Variants in TLL1 observed in about 807,000 individuals in gnomAD.
The protein encoded by TLL1 is tolloid-like protein 1.
TLL1 carries 49 observed loss-of-function variants against 128.2 expected under a neutral mutation model. That is an observed-to-expected ratio of 0.38 (90% confidence interval 0.30 to 0.48). The LOEUF (loss-of-function observed/expected upper bound fraction) is 0.48. Among genes scored for constraint, TLL1 ranks in the 20% least tolerant of loss-of-function variants. The pLI, the probability that TLL1 is intolerant of heterozygous loss-of-function variation, is 0.96. For missense variants in TLL1, 1,123 were observed against 1,242.0 expected, an observed-to-expected ratio of 0.90 and a Z score of 1.44; for synonymous variants, 454 against 418.8, an observed-to-expected ratio of 1.08 and a Z score of -1.03.
chr4:166,050,876 C>T (rs966774650), intron 12 of TLL1, among the ~76,000 whole-genome samples: 23 of 152,330 alleles, frequency 1.5e-4, no homozygotes, highest in African/African-American at 5.3e-4. Context: ...TATGAACCCT[C>T]AGTAGTGAAA....
intron 6 of TLL1, among the ~76,000 whole-genome samples, chr4:166,007,571 A>C (rs567137613): frequency 1.3e-5 from 2 of 151,794 alleles, no homozygotes; most frequent in Admixed American, 1.3e-4. Flanking sequence ...AAACCTAGTC[A>C]TAAAAATGGG....
chr4:166,017,432 A>G (rs570248159), intron 8 of TLL1, among the ~76,000 whole-genome samples: 1 of 151,904 alleles, frequency 6.6e-6, no homozygotes, highest in East Asian at 1.9e-4. Flanking sequence ...GGTACGATTT[A>G]TTTTCCTTCG....
At chr4:165,983,785 C>A (rs1159282494) in intron 1 of TLL1, among the ~76,000 whole-genome samples, 1 of 151,642 alleles carries the variant, frequency 6.6e-6, no homozygotes, top group African/African-American at 2.4e-5. Context: ...GTCTAGCTTT[C>A]TTATATAGTA....
At chr4:165,922,204 T>G (rs1733068983) in intron 1 of TLL1, among the ~76,000 whole-genome samples, 1 of 152,176 alleles carries the variant, frequency 6.6e-6, no homozygotes, top group Admixed American at 6.5e-5. Flanking sequence ...AAGGACTCAT[T>G]TATTCTGGCC....
chr4:165,947,180 T>C (rs1734290457), intron 1 of TLL1, among the ~76,000 whole-genome samples: 1 of 152,098 alleles, frequency 6.6e-6, no homozygotes, highest in Admixed American at 6.6e-5. Flanking sequence ...TCTTACTGTG[T>C]ACACATATGA....
intron 8 of TLL1, among the ~76,000 whole-genome samples, chr4:166,025,016 T>G (rs1738428338): frequency 6.6e-6 from 1 of 152,158 alleles, no homozygotes; most frequent in Admixed American, 6.5e-5. Flanking sequence ...GGGTGTGCTT[T>G]AGAGGGGCTA....
intron 1 of TLL1, among the ~76,000 whole-genome samples, chr4:165,912,587 C>T (rs1312461488): frequency 4.6e-5 from 7 of 152,202 alleles, no homozygotes; most frequent in African/African-American, 7.2e-5. Context: ...TTGAAAAGAG[C>T]GCTTTCAGGC....
intron 1 of TLL1, 108 bp from the exon 2 acceptor site, chr4:165,989,273 C>T (rs13133446): frequency 0.091 from 73,890 of 809,996 alleles, 4,298 homozygotes; most frequent in Non-Finnish European, 0.12. Context: ...AGATCTGTCT[C>T]TATCCAGACC....
chr4:166,034,617 A>G (rs1304033651), intron 9 of TLL1, among the ~76,000 whole-genome samples: 17 of 152,172 alleles, frequency 1.1e-4, no homozygotes. Flanking sequence ...TATATTCAGA[A>G]AAGAAGTATA....
At position 166,100,729 on chromosome 4, in the gene TLL1, TG is replaced by T; in HGVS notation, c.2908-12del. The T allele has an allele frequency of 1.2e-6, 2 of 1,612,676 alleles. No homozygotes were observed. The highest frequency in any genetic ancestry group is 1.7e-6 in the Non-Finnish European group (2 of 1,179,068). On this transcript the variant is annotated splice_polypyrimidine_tract_variant and intron_variant, in intron 20 of 20. Transcript: ENST00000061240. ...TGCTTGTTTACTTGCTTGTTGTTTT[TG>T]TTTTCCTTCAGCCACCAGAAGAGAT...
chr4:166,053,060 T>A (rs936011664), intron 12 of TLL1: 12 of 149,368 alleles, frequency 8.0e-5, no homozygotes. Flanking sequence ...TAGATATTCT[T>A]TATATAAATA....
chr4:166,042,219 A>T, intron 11 of TLL1, 76 bp downstream of exon 11: 1 of 955,568 alleles, frequency 1.0e-6, no homozygotes, highest in East Asian at 2.6e-5. Context: ...TTTCATTACA[A>T]TGACATTGTG....
chr4:165,916,511 A>G (rs529693143), intron 1 of TLL1, among the ~76,000 whole-genome samples: 60 of 152,304 alleles, frequency 3.9e-4, no homozygotes, highest in Middle Eastern at 3.4e-3. Flanking sequence ...AGTAAGGTGC[A>G]TTGATGGGTG....
chr4:165,939,259 C>T (rs1733894617), intron 1 of TLL1, among the ~76,000 whole-genome samples: 1 of 152,016 alleles, frequency 6.6e-6, no homozygotes, highest in Admixed American at 6.6e-5. Flanking sequence ...CAATGTCCTT[C>T]TTGATTATAT....
intron 9 of TLL1, among the ~76,000 whole-genome samples, chr4:166,032,021 A>G (rs1738790950): frequency 6.6e-6 from 1 of 152,156 alleles, no homozygotes; most frequent in African/African-American, 2.4e-5. Flanking sequence ...ATCTAACGTC[A>G]CACATGTGGC....
intron 13 of TLL1, among the ~76,000 whole-genome samples, chr4:166,055,573 C>A (rs942872319): frequency 1.3e-5 from 2 of 151,982 alleles, no homozygotes; most frequent in Non-Finnish European, 2.9e-5. Context: ...AATAACCAAC[C>A]AAGAATTCAT....
At chr4:165,991,328 T>C (rs1181223024) in intron 2 of TLL1, among the ~76,000 whole-genome samples, 1 of 151,996 alleles carries the variant, frequency 6.6e-6, no homozygotes, top group South Asian at 2.1e-4. Context: ...TGTTTGAAAG[T>C]TCAATAGTAA....
intron 1 of TLL1, among the ~76,000 whole-genome samples, chr4:165,949,460 A>G (rs1396974581): frequency 6.6e-6 from 1 of 152,178 alleles, no homozygotes; most frequent in African/African-American, 2.4e-5. Flanking sequence ...ATAAATGAGT[A>G]TTGTTTTAAG....
intron 1 of TLL1, among the ~76,000 whole-genome samples, chr4:165,919,089 A>T (rs908256812): frequency 1.3e-5 from 2 of 152,154 alleles, no homozygotes; most frequent in Admixed American, 1.3e-4. Flanking sequence ...TTTTGAAAAG[A>T]TGGAAGAATA....
Sources: allele counts gnomAD v4.1 joint callset (sites outside exome capture counted in the v4.1 genomes callset), GRCh38; gene constraint gnomAD v4.1.1; transcripts MANE v1.5; gene names NCBI Gene and HGNC (gene_info 2026-07-23, HGNC 2026-07-21).